OGFOD3: variants seen among roughly 807,000 people sequenced by gnomAD.
The protein encoded by OGFOD3 is 2-oxoglutarate and iron-dependent oxygenase domain-containing protein 3.
Under a neutral mutation model 39.8 loss-of-function variants are expected in OGFOD3, and 35 were observed. That is an observed-to-expected ratio of 0.88 (90% CI 0.67 to 1.17). The LOEUF is 1.17. Ranked by LOEUF, OGFOD3 falls within the 50% of genes most tolerant of loss-of-function variation. The pLI is 0.00. For synonymous variants in OGFOD3, 200 were observed against 192.0 expected (o/e 1.04, Z -0.34); for missense variants, 438 against 454.5 (o/e 0.96, Z 0.33).
chr17:82,390,061 ATTTC>A lies in OGFOD3; in HGVS notation c.*2333_*2336del, dbSNP rs1298481066. ...GAAATTCTTGCTTTTGCCCAAATAT[ATTTC>A]TTTGTCCAAGTATCTCTGTGATTAT... On this transcript the variant is annotated 3_prime_UTR_variant, in exon 9 of 9. Coordinates refer to ENST00000313056, the MANE Select transcript of OGFOD3 (RefSeq NM_024648.3). This position sits in a 1 kb window ranked among gnomAD's most constrained non-coding sequence, Gnocchi z 4.9. The A allele has an allele frequency of 2.0e-5, 3 of 152,076 alleles. No homozygotes were observed. Among genetic ancestry groups the A allele is most frequent in the Non-Finnish European group, 4.4e-5 (3 of 67,994 alleles). 9.4% of individuals were successfully genotyped at this position (152,076 alleles called of 1,614,324 possible). A position where few individuals can be genotyped will look rare whatever the true frequency, so the allele number is the denominator to read the frequency against.
rs762628604 is a variant in OGFOD3 at position 82,392,531 on chromosome 17, C to T, written c.827G>A (p.Arg276His). 10 of 1,586,042 alleles carry T rather than the reference C, an allele frequency of 6.3e-6. No individual in the cohort carries two copies. The highest frequency in any genetic ancestry group is 1.2e-5 in the South Asian group (1 of 86,886). ...GGACCCCGAGGTGAAGAAGGAGACG[C>T]GACCTGGGAGAGGAGAAGAGAGAGA... is the stretch of plus-strand genomic sequence containing the variant. ...ANKTVEPRAG[R>H]VSFFTSGSEN... The change falls in exon 9 of 9, where the codon CGC (arginine) becomes CAC (histidine). Residue 276 changes from arginine to histidine, a missense_variant. Coordinates refer to ENST00000313056, the MANE Select transcript of OGFOD3 (RefSeq NM_024648.3). This position sits in a 1 kb window ranked among gnomAD's most constrained non-coding sequence, Gnocchi z 4.2.
intron 7 of OGFOD3, among the ~76,000 whole-genome samples, chr17:82,398,838 GCCAGGAC>G (rs2143210855): frequency 6.6e-6 from 1 of 150,562 alleles, no homozygotes; most frequent in South Asian, 2.1e-4. Flanking sequence ...ATCCCGGGTA[GCCAGGAC>G]CACAGGCGCA....
chr17:82,416,210 T>C (rs1204415640), intron 1 of OGFOD3, among the ~76,000 whole-genome samples: 1 of 152,240 alleles, frequency 6.6e-6, no homozygotes, highest in Non-Finnish European at 1.5e-5. Flanking sequence ...CACTCCAGCC[T>C]GGGCAACAAG....
At chr17:82,416,390 G>A (rs1334109888) in intron 1 of OGFOD3, among the ~76,000 whole-genome samples, 2 of 152,218 alleles carry the variant, frequency 1.3e-5, no homozygotes, top group Non-Finnish European at 2.9e-5. Flanking sequence ...GTAGTGATGG[G>A]GGCCTCCACA....
intron 7 of OGFOD3, among the ~76,000 whole-genome samples, chr17:82,400,528 A>G (rs1385123423): frequency 6.6e-6 from 1 of 152,230 alleles, no homozygotes; most frequent in Non-Finnish European, 1.5e-5. Context: ...CAACTGACAG[A>G]ATGCGGTATT....
intron 2 of OGFOD3, among the ~76,000 whole-genome samples, chr17:82,411,942 C>G (rs184593766): frequency 1.3e-5 from 2 of 151,988 alleles, no homozygotes; most frequent in East Asian, 3.9e-4. Context: ...CCTGAGACCA[C>G]CAGGGAGGAA....
intron 4 of OGFOD3, among the ~76,000 whole-genome samples, chr17:82,407,384 CA>C (rs760921161): frequency 3.3e-5 from 5 of 152,222 alleles, no homozygotes; most frequent in Non-Finnish European, 7.3e-5. Flanking sequence ...GTGCCAGTCA[CA>C]GTCATGTGTC....
rs542640116 is a variant in OGFOD3 at position 82,404,088 on chromosome 17, T to C, written c.548A>G (p.Glu183Gly). Residue 183 changes from glutamate to glycine, a missense_variant and splice_region_variant, in exon 7 of 9, where the codon GAG (glutamate) becomes GGG (glycine). Coordinates refer to ENST00000313056, the MANE Select transcript of OGFOD3 (RefSeq NM_024648.3). This position sits in a 1 kb window ranked among gnomAD's most constrained non-coding sequence, Gnocchi z 4.5. ...FSEEDFRLYR[E>G]VRQKVQLTIA... Reference sequence around the variant, plus strand: ...GGTGAGCTGGACCTTCTGCCGCACCTCCCTGCAGAGGACACAATAGCCGTC... The same window carrying C: ...GGTGAGCTGGACCTTCTGCCGCACCCCCCTGCAGAGGACACAATAGCCGTC... 15 of 1,591,184 alleles carry C rather than the reference T, an allele frequency of 9.4e-6. No individual in the cohort carries two copies. The highest frequency in any genetic ancestry group is 1.3e-5 in the African/African-American group (1 of 74,748).
At position 82,392,470 on chromosome 17, in the gene OGFOD3, GC is replaced by G. The variant is rs1425036159; in HGVS notation, c.887del (p.Gly296AlafsTer64). The G allele has an allele frequency of 3.1e-6, 5 of 1,611,222 alleles. No individual in the cohort carries two copies. Among genetic ancestry groups the G allele is most frequent in the Non-Finnish European group, 4.2e-6 (5 of 1,179,058 alleles). Reference sequence around the variant, plus strand: ...AGGCGATGGTGATGGCGTAACGGGTGCCCCAGTGGACCTTCTCCACGCGGTG... The same window carrying G: ...AGGCGATGGTGATGGCGTAACGGGTGCCCAGTGGACCTTCTCCACGCGGTG... ...NLHRVEKVHW[G>X]TRYAITIAFS... On this transcript the variant is annotated frameshift_variant, in exon 9 of 9. Coordinates refer to ENST00000313056, the MANE Select transcript of OGFOD3 (RefSeq NM_024648.3). LOFTEE classifies it high-confidence loss of function. This position sits in a 1 kb window ranked among gnomAD's most constrained non-coding sequence, Gnocchi z 4.2.
chr17:82,408,914 G>A (rs2052898381), intron 4 of OGFOD3, among the ~76,000 whole-genome samples: 1 of 152,226 alleles, frequency 6.6e-6, no homozygotes, highest in Admixed American at 6.5e-5. Flanking sequence ...CAGCCCCACA[G>A]GGCGTCCATG....
intron 8 of OGFOD3, chr17:82,394,278 C>G: frequency 6.9e-7 from 1 of 1,443,038 alleles, no homozygotes. Context: ...GCGTGAGCCA[C>G]CACGCCCGGC....
At chr17:82,407,816 C>T (rs1344901515) in intron 4 of OGFOD3, among the ~76,000 whole-genome samples, 1 of 152,170 alleles carries the variant, frequency 6.6e-6, no homozygotes, top group Non-Finnish European at 1.5e-5. Flanking sequence ...TAACAAATAG[C>T]CCCCGAACTG....
intron 1 of OGFOD3, among the ~76,000 whole-genome samples, chr17:82,416,818 G>T (rs778889372): frequency 1.1e-4 from 16 of 151,948 alleles, no homozygotes; most frequent in Non-Finnish European, 2.1e-4. Flanking sequence ...TTACAGGCGT[G>T]CACCACCACC....
At chr17:82,401,531 A>C in intron 7 of OGFOD3, 1 of 151,812 alleles carries the variant, frequency 6.6e-6, no homozygotes, top group East Asian at 1.9e-4. Context: ...TCTCCTTCTG[A>C]TTACAACTGA....
Position 82,406,046 on chromosome 17 carries a change from T to TGA in OGFOD3, c.488+371_488+372insTC, listed in dbSNP as rs2052850803. Among the ~76,000 whole-genome samples, 1 of 152,140 alleles carries TGA rather than the reference T, an allele frequency of 6.6e-6. No individual in the cohort carries two copies. The highest frequency in any genetic ancestry group is 1.5e-5 in the Non-Finnish European group (1 of 68,028). ...ACGGATCCACGCAGGGAGGGTCTCT[T>TGA]TGCTCTCCCGGCCCCTCATGGAGCG... On this transcript the variant is annotated intron_variant, in intron 5 of 8. Transcript: ENST00000313056. This position sits in a 1 kb window ranked among gnomAD's most constrained non-coding sequence, Gnocchi z 5.2.
Position 82,409,353 on chromosome 17 carries a change from C to T in OGFOD3, c.423+15G>A. 5.0e-6 allele frequency: 8 copies of T among 1,613,086 alleles called. No individual in the cohort carries two copies. Among genetic ancestry groups the T allele is most frequent in the Non-Finnish European group, 6.8e-6 (8 of 1,179,210 alleles). ...ACGGGTAAAAAAAGGGGGGCAGGGA[C>T]TACATTCAACTCACCCCTCCGTCAG... is the stretch of plus-strand genomic sequence containing the variant. On this transcript the variant is annotated intron_variant, in intron 4 of 8. Coordinates refer to ENST00000313056, the MANE Select transcript of OGFOD3 (RefSeq NM_024648.3).
intron 7 of OGFOD3, among the ~76,000 whole-genome samples, chr17:82,403,440 T>C (rs2052797752): frequency 6.6e-6 from 1 of 152,156 alleles, no homozygotes; most frequent in African/African-American, 2.4e-5. Flanking sequence ...GAGACTATCC[T>C]GGCCAACATG....
chr17:82,416,080 A>C (rs1391806805), intron 1 of OGFOD3, among the ~76,000 whole-genome samples: 3 of 151,760 alleles, frequency 2.0e-5, no homozygotes, highest in Non-Finnish European at 4.4e-5. Context: ...TACAAAAAAA[A>C]AAAAAATTAA....
chr17:82,396,512 A>G (rs1884099456), intron 8 of OGFOD3: 1 of 152,288 alleles, frequency 6.6e-6, no homozygotes, highest in South Asian at 2.1e-4. Flanking sequence ...ATCAAATCAC[A>G]GGTAAACACA....
Sources: gnomAD v4.1 joint callset for allele counts (sites outside exome capture counted in the v4.1 genomes callset) on GRCh38, gnomAD v4.1.1 for gene constraint, Gnocchi (gnomAD v3.1) non-coding constraint, MANE v1.5 for transcripts, NCBI Gene and HGNC (gene_info 2026-07-23, HGNC 2026-07-21) for gene names.